Variants in TTC7B observed in about 807,000 individuals in gnomAD.
TTC7B encodes tetratricopeptide repeat protein 7B.
In TTC7B, 28 loss-of-function variants were observed where a neutral mutation model predicts 106.8. The observed-to-expected ratio is 0.26, with a 90% CI of 0.19 to 0.36. TTC7B has a LOEUF of 0.36. Among genes scored for constraint, TTC7B ranks in the 10% least tolerant of loss-of-function variants. The probability of loss-of-function intolerance (pLI) is 1.00; values close to 1 mark genes in which losing one functional copy is unlikely to be tolerated. For missense variants in TTC7B, 862 were observed against 1,076.4 expected (o/e 0.80, Z 2.79); for synonymous variants, 405 against 430.6 (o/e 0.94, Z 0.74).
At position 90,597,250 on chromosome 14, in the gene TTC7B, A is replaced by C. The variant is rs375162691; in HGVS notation, c.1967-3624T>G. Among the ~76,000 whole-genome samples, 29 of 152,346 alleles carry C rather than the reference A, an allele frequency of 1.9e-4. No homozygotes were observed. In the East Asian group the frequency reaches 3.5e-3, roughly 18 times the overall value. ...CAATAGTGAAATTATATAAGTTGGTATCTACTATTCCTGAAAATAACACAA... is the reference window on the plus strand; with the variant it reads ...CAATAGTGAAATTATATAAGTTGGTCTCTACTATTCCTGAAAATAACACAA... On this transcript the variant is annotated intron_variant, in intron 17 of 19. Transcript: ENST00000328459.
At chr14:90,559,988 C>T (rs1890500497) in intron 19 of TTC7B, among the ~76,000 whole-genome samples, 1 of 152,212 alleles carries the variant, frequency 6.6e-6, no homozygotes, top group Non-Finnish European at 1.5e-5. Context: ...CCCCCTTGGC[C>T]CCTGTCCCTC....
chr14:90,767,028 CAAAAAA>C (rs71301958), intron 3 of TTC7B: 775 of 525,938 alleles, frequency 1.5e-3, no homozygotes, highest in Non-Finnish European at 2.1e-3. Flanking sequence ...GTTTATATAC[CAAAAAA>C]AAAAAAAAAA....
chr14:90,643,922 G>C, intron 15 of TTC7B, 126 bp downstream of exon 15: 2 of 1,189,264 alleles, frequency 1.7e-6, no homozygotes, highest in South Asian at 2.8e-5. Context: ...TAACAGTAAA[G>C]GGGATTTTAT....
intron 7 of TTC7B, among the ~76,000 whole-genome samples, chr14:90,684,528 A>C (rs919742297): frequency 2.0e-5 from 3 of 152,234 alleles, no homozygotes; most frequent in African/African-American, 7.2e-5. Flanking sequence ...GGACAGTCAT[A>C]AAATGAAATA....
At chr14:90,595,072 G>A (rs965121183) in intron 17 of TTC7B, among the ~76,000 whole-genome samples, 2 of 152,206 alleles carry the variant, frequency 1.3e-5, no homozygotes, top group African/African-American at 2.4e-5. Context: ...GGTGGCTCAC[G>A]CCTATAATCC....
intron 5 of TTC7B, among the ~76,000 whole-genome samples, chr14:90,718,259 C>T (rs1000517511): frequency 3.3e-5 from 5 of 152,226 alleles, no homozygotes; most frequent in African/African-American, 1.2e-4. Context: ...GGAATCCCAT[C>T]CAGATGTGTG....
chr14:90,606,280 T>C (rs1892636285), intron 17 of TTC7B, among the ~76,000 whole-genome samples: 1 of 152,174 alleles, frequency 6.6e-6, no homozygotes, highest in Non-Finnish European at 1.5e-5. Context: ...GGTTGGGGTG[T>C]GCTGGTTGGG....
At chr14:90,593,378 T>A in intron 18 of TTC7B, 108 bp downstream of exon 18, 1 of 1,418,696 alleles carries the variant, frequency 7.0e-7, no homozygotes. Flanking sequence ...TAATGAGGGG[T>A]GTGGGCTAAA....
At chr14:90,563,120 G>A (rs575526159) in intron 19 of TTC7B, among the ~76,000 whole-genome samples, 16 of 152,138 alleles carry the variant, frequency 1.1e-4, no homozygotes, top group Non-Finnish European at 1.9e-4. Flanking sequence ...GTCCAGTATT[G>A]GACTCAAACT....
At chr14:90,798,888 C>T (rs1375691817) in intron 1 of TTC7B, among the ~76,000 whole-genome samples, 5 of 151,934 alleles carry the variant, frequency 3.3e-5, no homozygotes, top group East Asian at 1.9e-4. Flanking sequence ...CCCTATAATT[C>T]GATTTTTACT....
At chr14:90,737,760 T>C (rs1338891793) in intron 4 of TTC7B, among the ~76,000 whole-genome samples, 1 of 152,122 alleles carries the variant, frequency 6.6e-6, no homozygotes, top group African/African-American at 2.4e-5. Flanking sequence ...GGTTTCACCA[T>C]ATTGGCCAGG....
At chr14:90,546,848 G>A (rs925911545) in intron 19 of TTC7B, among the ~76,000 whole-genome samples, 8 of 152,350 alleles carry the variant, frequency 5.3e-5, no homozygotes, top group African/African-American at 1.4e-4. Flanking sequence ...CACCAACAGC[G>A]CTAAGCATTA....
rs1254610720 is a variant in TTC7B, at chr14:90,531,570, G to C, written c.*9798C>G. On this transcript the variant is annotated 3_prime_UTR_variant, in exon 20 of 20. Transcript: ENST00000328459. ...GGAGGCGGAGGTTGCAGTGAGTCGA[G>C]ATTGTGCCATTGCGCTCCAGCCTGG... 1 of 142,118 alleles carries C rather than the reference G, an allele frequency of 7.0e-6. No homozygotes were observed. The highest frequency in any genetic ancestry group is 2.2e-4 in the East Asian group (1 of 4,462). 8.8% of individuals were successfully genotyped at this position (142,118 alleles called of 1,614,324 possible).
At chr14:90,727,858 G>A (rs779272581) in intron 5 of TTC7B, among the ~76,000 whole-genome samples, 5 of 152,178 alleles carry the variant, frequency 3.3e-5, no homozygotes, top group Non-Finnish European at 7.3e-5. Flanking sequence ...AAAGGAGTGA[G>A]ACAACTGGGA....
chr14:90,803,963 C>T (rs941012323), intron 1 of TTC7B, among the ~76,000 whole-genome samples: 5 of 152,056 alleles, frequency 3.3e-5, no homozygotes, highest in Non-Finnish European at 5.9e-5. Flanking sequence ...GTTATCAGGC[C>T]GGCCCAGAGG....
intron 8 of TTC7B, chr14:90,677,714 T>C (rs1886895772): frequency 2.6e-6 from 1 of 385,196 alleles, no homozygotes; most frequent in South Asian, 1.9e-5. Context: ...CCCCCTGACA[T>C]TCAGAAAGGC....
chr14:90,778,483 C>T (rs905299044), intron 3 of TTC7B, among the ~76,000 whole-genome samples: 15 of 152,228 alleles, frequency 9.9e-5, no homozygotes, highest in African/African-American at 3.4e-4. Flanking sequence ...ACCTCCCACC[C>T]CCAAATAGGA....
At chr14:90,565,000 C>A (rs908129715) in intron 19 of TTC7B, among the ~76,000 whole-genome samples, 1 of 152,258 alleles carries the variant, frequency 6.6e-6, no homozygotes, top group African/African-American at 2.4e-5. Flanking sequence ...TCTCTGTCTG[C>A]ACTTGTTGCT....
At chr14:90,701,860 TAAG>T (rs1163730421) in intron 5 of TTC7B, among the ~76,000 whole-genome samples, 2 of 150,964 alleles carry the variant, frequency 1.3e-5, no homozygotes, top group African/African-American at 4.9e-5. Context: ...TACTATGCAC[TAAG>T]AAGTGAGGCA....
Sources: gnomAD v4.1 joint callset for allele counts (sites outside exome capture counted in the v4.1 genomes callset) on GRCh38, gnomAD v4.1.1 for gene constraint, MANE v1.5 for transcripts, NCBI Gene and HGNC (gene_info 2026-07-23, HGNC 2026-07-21) for gene names.